The following PRKN variants were observed in gnomAD, a reference collection of about 807,000 sequenced individuals.
The protein encoded by PRKN is E3 ubiquitin-protein ligase parkin.
In PRKN, 56 loss-of-function variants were observed where a neutral mutation model predicts 59.5. The ratio of observed to expected loss-of-function variants is 0.94; its 90% confidence interval spans 0.76 to 1.18. The LOEUF (loss-of-function observed/expected upper bound fraction) is 1.18. Among genes scored for constraint, PRKN ranks in the 50% most tolerant of loss-of-function variants. The pLI is 0.00. For missense variants in PRKN, 657 were observed against 596.4 expected, an observed-to-expected ratio of 1.10 and a Z score of -1.06; for synonymous variants, 250 against 222.1, an observed-to-expected ratio of 1.13 and a Z score of -1.12.
chr6:162,347,397 C>A (rs1453881217), intron 2 of PRKN, among the ~76,000 whole-genome samples: 1 of 151,388 alleles, frequency 6.6e-6, no homozygotes, highest in African/African-American at 2.4e-5. Flanking sequence ...TTTATGATTT[C>A]TTCTTTGATC....
At position 161,476,059 on chromosome 6, in the gene PRKN, C is replaced by CAA. The variant is rs1178660925; in HGVS notation, c.1083+72794_1083+72795insTT. 2.0e-5 allele frequency among the ~76,000 whole-genome samples: 3 copies of CAA among 151,542 alleles called. No individual in the cohort carries two copies. The East Asian group carries it at 5.8e-4, about 29-fold the overall frequency. The stretch of plus-strand genomic sequence containing the variant: ...AAAATTAGCCGGGCGTGGTGGCGGG[C>CAA]GCCTGTAGTCCCAGCTACTCAGGAG... On this transcript the variant is annotated intron_variant, in intron 9 of 11. Transcript: ENST00000366898.
intron 5 of PRKN, among the ~76,000 whole-genome samples, chr6:162,023,568 CG>C (rs367734770): frequency 1.4e-3 from 212 of 152,292 alleles, no homozygotes; most frequent in African/African-American, 4.7e-3. Context: ...CTCCTCTCCT[CG>C]CCCTCTCCAC....
intron 4 of PRKN, among the ~76,000 whole-genome samples, chr6:162,130,885 G>A (rs6455798): frequency 0.1 from 15,548 of 152,038 alleles, 978 homozygotes; most frequent in African/African-American, 0.17. Context: ...CTAGTGTCTG[G>A]TAAAAAATGG....
chr6:162,271,750 C>A (rs73020799), intron 2 of PRKN, among the ~76,000 whole-genome samples: 5,559 of 152,106 alleles, frequency 0.037, 147 homozygotes, highest in Non-Finnish European at 0.057. Flanking sequence ...TTTCAATGAA[C>A]ACTAAATGCC....
chr6:161,859,299 C>T (rs1301967069), intron 6 of PRKN, among the ~76,000 whole-genome samples: 3 of 152,036 alleles, frequency 2.0e-5, no homozygotes, highest in Admixed American at 1.3e-4. Context: ...TCTCACATTT[C>T]GGTTTTCTAG....
At chr6:161,706,203 G>A (rs535788222) in intron 7 of PRKN, among the ~76,000 whole-genome samples, 9 of 152,180 alleles carry the variant, frequency 5.9e-5, no homozygotes, top group South Asian at 4.1e-4. Flanking sequence ...TGGCTTTCAC[G>A]GGATCCCTGG....
chr6:161,794,674 T>C (rs1009007191), intron 6 of PRKN, among the ~76,000 whole-genome samples: 2 of 152,116 alleles, frequency 1.3e-5, no homozygotes, highest in African/African-American at 2.4e-5. Flanking sequence ...TTCTCTCAAG[T>C]CAGTCTCTTT....
At chr6:161,842,562 T>C (rs897460651) in intron 6 of PRKN, among the ~76,000 whole-genome samples, 2 of 152,066 alleles carry the variant, frequency 1.3e-5, no homozygotes, top group Non-Finnish European at 2.9e-5. Flanking sequence ...TTCCTTCTCT[T>C]TTTTTTCTTT....
At chr6:162,682,324 C>T (rs189609609) in intron 1 of PRKN, among the ~76,000 whole-genome samples, 1 of 151,974 alleles carries the variant, frequency 6.6e-6, no homozygotes, top group South Asian at 2.1e-4. Flanking sequence ...CATCGTAGCA[C>T]CCTTCACAAT....
chr6:161,811,890 C>G (rs567677285), intron 6 of PRKN, among the ~76,000 whole-genome samples: 2 of 151,400 alleles, frequency 1.3e-5, no homozygotes, highest in South Asian at 2.1e-4. Context: ...TCTTTGCACT[C>G]CAGCCTGGGT....
intron 7 of PRKN, among the ~76,000 whole-genome samples, chr6:161,674,963 T>G (rs1028085964): frequency 6.6e-6 from 1 of 152,196 alleles, no homozygotes; most frequent in South Asian, 2.1e-4. Flanking sequence ...TGCCCAGGGC[T>G]TGCTATTGAT....
At position 161,549,547 on chromosome 6, in the gene PRKN, C is replaced by G. The variant is rs1779924570; in HGVS notation, c.934-544G>C. Among the ~76,000 whole-genome samples, 1 of 152,138 alleles carries G rather than the reference C, an allele frequency of 6.6e-6. No individual in the cohort carries two copies. Among genetic ancestry groups the G allele is most frequent in the Non-Finnish European group, 1.5e-5 (1 of 68,030 alleles). ...TAGAAGAAGACTAATGTTAAACAAT[C>G]ACATTTTCCCTTTATCATTATTCTT... is the stretch of plus-strand genomic sequence containing the variant. On this transcript the variant is annotated intron_variant, in intron 8 of 11. Transcript: ENST00000366898. The surrounding 1 kb of genome is among the most constrained non-coding windows in gnomAD (Gnocchi z 6.0).
chr6:161,564,515 C>G (rs1464512846), intron 8 of PRKN, among the ~76,000 whole-genome samples: 1 of 152,214 alleles, frequency 6.6e-6, no homozygotes. Context: ...TCTTCCCTAA[C>G]TGAAACAGGC....
intron 1 of PRKN, among the ~76,000 whole-genome samples, chr6:162,613,420 C>A (rs775446618): frequency 6.6e-6 from 1 of 152,134 alleles, no homozygotes; most frequent in Non-Finnish European, 1.5e-5. Context: ...ATCTTGTTGA[C>A]AAACCATAGA....
chr6:161,614,998 AG>A (rs550313988), intron 7 of PRKN, among the ~76,000 whole-genome samples: 7 of 138,850 alleles, frequency 5.0e-5, no homozygotes, highest in African/African-American at 2.0e-4. Flanking sequence ...AGAGAGAGAG[AG>A]AACACTGAAA....
intron 2 of PRKN, among the ~76,000 whole-genome samples, chr6:162,273,042 A>C (rs533359878): frequency 6.6e-6 from 1 of 151,922 alleles, no homozygotes; most frequent in East Asian, 1.9e-4. Flanking sequence ...TTCAGAAACA[A>C]GTGAAATGCT....
At chr6:161,924,304 A>C (rs769920307) in intron 6 of PRKN, among the ~76,000 whole-genome samples, 41 of 152,236 alleles carry the variant, frequency 2.7e-4, no homozygotes, top group Non-Finnish European at 4.7e-4. Flanking sequence ...CTGATCCTCA[A>C]ATATGAATCC....
chr6:162,358,191 G>A (rs1241440061), intron 2 of PRKN, among the ~76,000 whole-genome samples: 1 of 152,152 alleles, frequency 6.6e-6, no homozygotes, highest in Non-Finnish European at 1.5e-5. Flanking sequence ...AAATCTTTGT[G>A]CAACTTTTCT....
intron 2 of PRKN, among the ~76,000 whole-genome samples, chr6:162,414,726 A>AAAAAAAAAAAAAAAGT (rs34838356): frequency 0.032 from 2,929 of 91,538 alleles, 786 homozygotes; most frequent in African/African-American, 0.12. Context: ...AAAAAAAAAA[A>AAAAAAAAAAAAAAAGT]AGTGAATCTT....
Sources: gnomAD v4.1 joint callset for allele counts (sites outside exome capture counted in the v4.1 genomes callset) on GRCh38, gnomAD v4.1.1 for gene constraint, Gnocchi (gnomAD v3.1) non-coding constraint, MANE v1.5 for transcripts, NCBI Gene and HGNC (gene_info 2026-07-23, HGNC 2026-07-21) for gene names.